RBFOX2: variants seen among roughly 807,000 people sequenced by gnomAD.
RBFOX2 encodes RNA binding fox-1 homolog 2.
RBFOX2 carries 10 observed loss-of-function variants against 49.1 expected under a neutral mutation model. The ratio of observed to expected loss-of-function variants is 0.20; its 90% CI spans 0.13 to 0.35. The LOEUF is 0.35. Ranked by LOEUF, RBFOX2 falls within the 10% of genes least tolerant of loss-of-function variation. RBFOX2 has a pLI of 1.00. For synonymous variants in RBFOX2, 183 were observed against 187.4 expected, an observed-to-expected ratio of 0.98 and a Z score of 0.19; for missense variants, 323 against 486.9, an observed-to-expected ratio of 0.66 and a Z score of 3.17.
In RBFOX2 at chr22:35,846,494, C is replaced by A. The variant is rs184695194; in HGVS notation, c.-33-36490G>T. Among the ~76,000 whole-genome samples the A allele has an allele frequency of 1.1e-4, 17 of 151,738 alleles. 1 individual carries two copies. The South Asian group carries it at 3.3e-3, about 30-fold the overall frequency. ...CCTTTAGGCTGGGCATAGTGGCTCA[C>A]GCCTGTAATTTGGGAGGCCGAGGAG... On this transcript the variant is annotated intron_variant, in intron 1 of 13. Coordinates refer to the RBFOX2 transcript ENST00000359369.
chr22:35,807,784 G>GA (rs199935645), intron 2 of RBFOX2, among the ~76,000 whole-genome samples: 2 of 150,084 alleles, frequency 1.3e-5, no homozygotes, highest in African/African-American at 2.4e-5. Flanking sequence ...AAAAATCAAT[G>GA]AAAAAAAAAG....
chr22:35,794,093 T>C (rs764746594), intron 2 of RBFOX2, among the ~76,000 whole-genome samples: 1 of 152,188 alleles, frequency 6.6e-6, no homozygotes, highest in Non-Finnish European at 1.5e-5. Context: ...ACCTGAGTGA[T>C]TATTTTAACG....
chr22:36,025,122 G>A (rs1174210406), intron 1 of RBFOX2, among the ~76,000 whole-genome samples: 1 of 152,140 alleles, frequency 6.6e-6, no homozygotes, highest in African/African-American at 2.4e-5. Flanking sequence ...TTTTTAAAGT[G>A]TGTATTTACA....
At chr22:35,794,269 C>G (rs965624946) in intron 2 of RBFOX2, among the ~76,000 whole-genome samples, 6 of 152,022 alleles carry the variant, frequency 3.9e-5, no homozygotes, top group African/African-American at 1.4e-4. Flanking sequence ...TGACTGACAG[C>G]AGACTTCCTA....
At chr22:35,975,879 T>C (rs897995916) in intron 1 of RBFOX2, among the ~76,000 whole-genome samples, 1 of 152,212 alleles carries the variant, frequency 6.6e-6, no homozygotes, top group African/African-American at 2.4e-5. Flanking sequence ...GTTATTTTAC[T>C]TAATACTGAG....
chr22:35,971,857 C>G (rs1388428450), intron 1 of RBFOX2, among the ~76,000 whole-genome samples: 1 of 141,640 alleles, frequency 7.1e-6, no homozygotes, highest in African/African-American at 2.6e-5. Context: ...GCAGGCCCAT[C>G]TGGAATCAGT....
intron 1 of RBFOX2, 69 bp from the exon 3 acceptor site, chr22:35,810,073 G>A (rs1951556640): frequency 4.8e-6 from 7 of 1,467,954 alleles, no homozygotes; most frequent in Non-Finnish European, 5.7e-6. Flanking sequence ...TTTAAAGTGA[G>A]TATATGGAAT....
upstream of RBFOX2, among the ~76,000 whole-genome samples, chr22:35,940,883 T>C (rs1294273356): frequency 2.6e-5 from 4 of 152,158 alleles, no homozygotes; most frequent in Non-Finnish European, 5.9e-5. Context: ...AGATTATTCA[T>C]AGAGGCAGAA....
intron 1 of RBFOX2, among the ~76,000 whole-genome samples, chr22:35,881,582 CAAA>C (rs1334437471): frequency 2.7e-5 from 3 of 111,238 alleles, no homozygotes; most frequent in African/African-American, 3.4e-5. Flanking sequence ...ACTCTGTCTC[CAAA>C]AAAAAAAAAA....
At chr22:35,894,697 G>C (rs1343847090) in intron 1 of RBFOX2, among the ~76,000 whole-genome samples, 1 of 152,148 alleles carries the variant, frequency 6.6e-6, no homozygotes, top group African/African-American at 2.4e-5. Context: ...GGAACAGAAG[G>C]GGATGTGGCA....
intron 1 of RBFOX2, among the ~76,000 whole-genome samples, chr22:35,928,034 T>C (rs1333642348): frequency 6.6e-6 from 1 of 152,192 alleles, no homozygotes; most frequent in Non-Finnish European, 1.5e-5. Context: ...GAAAAATGAC[T>C]TACTAGCCCT....
intron 1 of RBFOX2, among the ~76,000 whole-genome samples, chr22:36,003,485 A>C (rs1432890689): frequency 6.6e-6 from 1 of 152,208 alleles, no homozygotes; most frequent in Non-Finnish European, 1.5e-5. Flanking sequence ...GCAACCTTCA[A>C]ATGTCCAGCT....
chr22:35,942,179 T>C (rs1418418096), upstream of RBFOX2, among the ~76,000 whole-genome samples: 1 of 152,250 alleles, frequency 6.6e-6, no homozygotes, highest in Admixed American at 6.5e-5. Flanking sequence ...TAATGGTTTT[T>C]GTGCTCACAC....
exon 1 of RBFOX2, chr22:35,840,243 C>CT: frequency 6.2e-7 from 1 of 1,614,130 alleles, no homozygotes; most frequent in Non-Finnish European, 8.5e-7. Context: ...GATGATAAAC[C>CT]TTTCAAAGCA....
chr22:35,975,784 G>C (rs1237688475), intron 1 of RBFOX2, among the ~76,000 whole-genome samples: 1 of 151,362 alleles, frequency 6.6e-6, no homozygotes, highest in African/African-American at 2.4e-5. Flanking sequence ...TTTTCTGTTT[G>C]ACCCAACATA....
At chr22:35,807,392 G>A (rs1452501734) in intron 2 of RBFOX2, among the ~76,000 whole-genome samples, 1 of 151,968 alleles carries the variant, frequency 6.6e-6, no homozygotes, top group Non-Finnish European at 1.5e-5. Flanking sequence ...AAAAAAAATT[G>A]AGATCATGTG....
chr22:35,978,519 C>T (rs900888905), intron 1 of RBFOX2, among the ~76,000 whole-genome samples: 16 of 152,148 alleles, frequency 1.1e-4, no homozygotes, highest in Non-Finnish European at 8.8e-5. Context: ...ACCAGAGCTT[C>T]TTGGAAATGG....
At chr22:35,752,720 A>T (rs899136909) in intron 9 of RBFOX2, 2 of 865,808 alleles carry the variant, frequency 2.3e-6, no homozygotes, top group African/African-American at 3.7e-5. Context: ...AATCATACAA[A>T]AAGCCCACTA....
At chr22:35,855,248 G>A (rs1488276629) in intron 1 of RBFOX2, among the ~76,000 whole-genome samples, 1 of 152,130 alleles carries the variant, frequency 6.6e-6, no homozygotes, top group Non-Finnish European at 1.5e-5. Context: ...ATTGGCTGAT[G>A]ATGCCAATCT....
Sources: allele counts gnomAD v4.1 joint callset (sites outside exome capture counted in the v4.1 genomes callset), GRCh38; gene constraint gnomAD v4.1.1; transcripts MANE v1.5; gene names NCBI Gene and HGNC (gene_info 2026-07-23, HGNC 2026-07-21).